The following GTF3C2 variants were observed in gnomAD, a reference collection of about 807,000 sequenced individuals.
GTF3C2 encodes general transcription factor 3C polypeptide 2.
Under a neutral mutation model 117.4 loss-of-function variants are expected in GTF3C2, and 17 were observed. That is an observed-to-expected ratio of 0.14 (90% CI 0.10 to 0.22). The LOEUF (loss-of-function observed/expected upper bound fraction) is 0.22. GTF3C2 is among the 10% of genes least tolerant of loss of function. The probability of loss-of-function intolerance (pLI) is 1.00; values close to 1 mark genes in which losing one functional copy is unlikely to be tolerated. For synonymous variants in GTF3C2, 437 were observed against 427.0 expected (o/e 1.02, Z -0.29); for missense variants, 888 against 1,143.6 (o/e 0.78, Z 3.22).
At chr2:27,356,430 C>T (rs779947190) in intron 1 of GTF3C2, 2 of 243,356 alleles carry the variant, frequency 8.2e-6, no homozygotes, top group South Asian at 9.5e-5. Flanking sequence ...ACTGTAGGTT[C>T]GCCGAGTTCG....
At position 27,349,584 on chromosome 2, in the gene GTF3C2, G is replaced by C. The variant is rs530838570; in HGVS notation, c.-24-6006C>G. On this transcript the variant is annotated intron_variant, in intron 1 of 18. Transcript: ENST00000264720. Reference sequence around the variant, plus strand: ...TAAGCAAAAACAAAGGAGGAGTTTTGATGACAATAGTAAAGTCGAATTTAG... The same window carrying C: ...TAAGCAAAAACAAAGGAGGAGTTTTCATGACAATAGTAAAGTCGAATTTAG... Among the ~76,000 whole-genome samples the C allele has an allele frequency of 5.9e-5, 9 of 151,592 alleles. No homozygotes were observed. The East Asian group carries it at 1.7e-3, about 29-fold the overall frequency.
In GTF3C2 at chr2:27,328,029, C is replaced by T. The variant is rs1328259856; in HGVS notation, c.2409+8G>A. On this transcript the variant is annotated splice_region_variant and intron_variant, in intron 17 of 18. Transcript: ENST00000264720. ...AATACCACACCCATTCTCCTGGCCTCAGCTTACCAAATCTGTGTCTTGAAA... is the reference window on the plus strand; with the variant it reads ...AATACCACACCCATTCTCCTGGCCTTAGCTTACCAAATCTGTGTCTTGAAA... The T allele has an allele frequency of 6.2e-7, 1 of 1,608,672 alleles. No individual in the cohort carries two copies. The highest frequency in any genetic ancestry group is 8.5e-7 in the Non-Finnish European group (1 of 1,177,888).
intron 7 of GTF3C2, chr2:27,336,692 G>A (rs761593079): frequency 2.3e-4 from 90 of 397,396 alleles, no homozygotes; most frequent in Non-Finnish European, 3.6e-4. Flanking sequence ...CACTGCAGCC[G>A]TGACCTCCCA....
chr2:27,349,647 T>A (rs1289925084), intron 1 of GTF3C2, among the ~76,000 whole-genome samples: 1 of 151,760 alleles, frequency 6.6e-6, no homozygotes, highest in African/African-American at 2.4e-5. Flanking sequence ...GAGTACTATT[T>A]TTTTTTTTTG....
At chr2:27,334,860 G>A (rs556773753) in intron 10 of GTF3C2, among the ~76,000 whole-genome samples, 1 of 152,160 alleles carries the variant, frequency 6.6e-6, no homozygotes, top group East Asian at 1.9e-4. Context: ...GCCCCAGCTG[G>A]TCTCAAACTC....
chr2:27,343,043 T>C (rs1256102959), exon 3 of GTF3C2: 4 of 1,614,080 alleles, frequency 2.5e-6, no homozygotes, highest in Non-Finnish European at 3.4e-6. Flanking sequence ...GATGGAGGAT[T>C]AGGCTGTTGG....
At chr2:27,344,238 G>A (rs1220205103) in intron 1 of GTF3C2, among the ~76,000 whole-genome samples, 1 of 151,950 alleles carries the variant, frequency 6.6e-6, no homozygotes, top group Non-Finnish European at 1.5e-5. Flanking sequence ...GGGCCAGGCT[G>A]GTCTCAAACT....
chr2:27,331,267 C>T (rs770327752), intron 12 of GTF3C2, among the ~76,000 whole-genome samples: 12 of 152,082 alleles, frequency 7.9e-5, no homozygotes, highest in African/African-American at 2.7e-4. Flanking sequence ...GATAAAAAGA[C>T]GTGTAAGAGT....
intron 1 of GTF3C2, among the ~76,000 whole-genome samples, chr2:27,354,209 G>A (rs1333621525): frequency 6.6e-6 from 1 of 152,048 alleles, no homozygotes; most frequent in Non-Finnish European, 1.5e-5. Flanking sequence ...CCTGAGCCCA[G>A]GAGTTCAAGG....
At chr2:27,345,929 G>A (rs1002901955) in intron 1 of GTF3C2, among the ~76,000 whole-genome samples, 1 of 151,458 alleles carries the variant, frequency 6.6e-6, no homozygotes, top group Non-Finnish European at 1.5e-5. Flanking sequence ...TGACCAGGCT[G>A]GTCTTGGACT....
Position 27,329,121 on chromosome 2 carries a change from G to A in GTF3C2, c.2039C>T (p.Ser680Phe). 6.2e-7 allele frequency: 1 copy of A among 1,613,976 alleles called. No individual in the cohort carries two copies. The highest frequency in any genetic ancestry group is 8.5e-7 in the Non-Finnish European group (1 of 1,179,932). The stretch of plus-strand genomic sequence containing the variant: ...AGGTCCTATCTCCATCTTGCCGTAC[G>A]AGGCATAGCAGTTGTCCTGAGCCAC... Residue 680 changes from serine to phenylalanine, a missense_variant and splice_region_variant, in exon 14 of 19, where the codon TCT (serine) becomes TTT (phenylalanine). Transcript: ENST00000264720. This position sits in a 1 kb window ranked among gnomAD's most constrained non-coding sequence, Gnocchi z 4.5.
At chr2:27,337,796 T>G (rs1680548177) in intron 5 of GTF3C2, 130 bp downstream of exon 5, 1 of 728,060 alleles carries the variant, frequency 1.4e-6, no homozygotes, top group Non-Finnish European at 2.5e-6. Flanking sequence ...AGCAGTGCTT[T>G]TTAGTAATGA....
At chr2:27,353,891 T>G (rs1681229686) in intron 1 of GTF3C2, among the ~76,000 whole-genome samples, 1 of 151,784 alleles carries the variant, frequency 6.6e-6, no homozygotes, top group Non-Finnish European at 1.5e-5. Context: ...CCTAGCTAAT[T>G]TTTATTTTTT....
chr2:27,329,253 C>T lies in GTF3C2; in HGVS notation c.1907G>A (p.Arg636Gln), dbSNP rs1347907551. 2 of 1,614,032 alleles carry T rather than the reference C, an allele frequency of 1.2e-6. No individual in the cohort carries two copies. The highest frequency in any genetic ancestry group is 1.3e-5 in the African/African-American group (1 of 74,920). ...TCGAAGGTCCCAGAATTTGATTTTCCGGTCACTCCCCGCAGAGACAAGGAA... is the reference window on the plus strand; with the variant it reads ...TCGAAGGTCCCAGAATTTGATTTTCTGGTCACTCCCCGCAGAGACAAGGAA... Residue 636 changes from arginine (R) to glutamine (Q), a missense_variant, in exon 14 of 19, where the codon CGG (arginine) becomes CAG (glutamine). By Grantham distance (43) the Arg-to-Gln change is conservative (BLOSUM62 1). Coordinates refer to ENST00000264720, the Ensembl canonical transcript of GTF3C2. The surrounding 1 kb of genome is among the most constrained non-coding windows in gnomAD (Gnocchi z 4.5).
At chr2:27,338,483 C>T (rs1680585188) in intron 4 of GTF3C2, among the ~76,000 whole-genome samples, 1 of 151,362 alleles carries the variant, frequency 6.6e-6, no homozygotes, top group African/African-American at 2.5e-5. Context: ...CACACACACA[C>T]TCCTGGTAAT....
At chr2:27,340,078 G>A (rs767011448) in intron 4 of GTF3C2, 1 of 147,228 alleles carries the variant, frequency 6.8e-6, no homozygotes, top group Non-Finnish European at 1.5e-5. Flanking sequence ...CACCCTTTTC[G>A]TGTTCCCAGG....
At chr2:27,327,332 GTTTT>G (rs768783449) in intron 17 of GTF3C2, 48 bp from the exon 18 acceptor site, 3 of 1,034,024 alleles carry the variant, frequency 2.9e-6, no homozygotes, top group African/African-American at 1.6e-5. Flanking sequence ...ACGCTCGTTT[GTTTT>G]TTTTAAGACG....
exon 10 of GTF3C2, chr2:27,335,703 G>T: frequency 1.3e-6 from 2 of 1,552,532 alleles, no homozygotes; most frequent in Non-Finnish European, 1.7e-6. Flanking sequence ...GGCAGGAGAG[G>T]AGCCTAAAGG....
At chr2:27,338,072 A>G (rs368019256) in intron 4 of GTF3C2, 52 bp from the exon 5 acceptor site, 51 of 1,101,346 alleles carry the variant, frequency 4.6e-5, no homozygotes, top group Admixed American at 1.0e-4. Context: ...CAGGTTGGAC[A>G]AAGTCCCAGA....
Sources: allele counts gnomAD v4.1 joint callset (sites outside exome capture counted in the v4.1 genomes callset), GRCh38; gene constraint gnomAD v4.1.1; non-coding constraint Gnocchi (gnomAD v3.1); transcripts MANE v1.5; gene names NCBI Gene and HGNC (gene_info 2026-07-23, HGNC 2026-07-21).